The following MYO10 variants were observed in gnomAD, a reference collection of about 807,000 sequenced individuals.
The protein encoded by MYO10 is unconventional myosin-X.
MYO10 carries 133 observed loss-of-function variants against 257.3 expected under a neutral mutation model. The ratio of observed to expected loss-of-function variants is 0.52; its 90% confidence interval spans 0.45 to 0.60. MYO10 has a LOEUF of 0.60. MYO10 is among the 20% of genes least tolerant of loss of function. MYO10 has a pLI of 0.00. For synonymous variants in MYO10, 1,104 were observed against 1,028.6 expected, an observed-to-expected ratio of 1.07 and a Z score of -1.40; for missense variants, 2,399 against 2,635.7, an observed-to-expected ratio of 0.91 and a Z score of 1.97.
intron 3 of MYO10, among the ~76,000 whole-genome samples, chr5:16,814,261 C>A (rs1742531770): frequency 6.6e-6 from 1 of 152,180 alleles, no homozygotes; most frequent in South Asian, 2.1e-4. Context: ...CCTGCCTCAG[C>A]CTCCCGAGTA....
At chr5:16,843,080 TC>T (rs1467310596) in intron 2 of MYO10, among the ~76,000 whole-genome samples, 1 of 151,922 alleles carries the variant, frequency 6.6e-6, no homozygotes, top group Non-Finnish European at 1.5e-5. Flanking sequence ...TTCCTCCTGT[TC>T]CCCTTGTACT....
At chr5:16,899,611 A>G (rs1172706638) in intron 1 of MYO10, among the ~76,000 whole-genome samples, 3 of 147,012 alleles carry the variant, frequency 2.0e-5, no homozygotes, top group African/African-American at 7.6e-5. Flanking sequence ...CTGGGCAACA[A>G]GAGCAAAACT....
intron 2 of MYO10, among the ~76,000 whole-genome samples, chr5:16,872,613 A>G (rs973287848): frequency 6.6e-6 from 1 of 152,224 alleles, no homozygotes; most frequent in African/African-American, 2.4e-5. Context: ...TAAGAAAGGG[A>G]AAGAATGCTA....
At chr5:16,840,411 CTGAATGAATGAATGAA>C (rs58976150) in intron 2 of MYO10, among the ~76,000 whole-genome samples, 35 of 137,086 alleles carry the variant, frequency 2.6e-4, no homozygotes, top group Non-Finnish European at 5.0e-5. Context: ...CACTCCATCT[CTGAATGAATGAATGAA>C]TGAATGAATG....
chr5:16,778,737 C>T (rs946775649), intron 9 of MYO10, among the ~76,000 whole-genome samples: 7 of 138,202 alleles, frequency 5.1e-5, no homozygotes, highest in African/African-American at 1.9e-4. Flanking sequence ...GTCTCCCAGG[C>T]TGGAGTGCAG....
Position 16,699,859 on chromosome 5 carries a change from G to A in MYO10, c.3433-286C>T, listed in dbSNP as rs1259611390. Among the ~76,000 whole-genome samples the A allele has an allele frequency of 4.0e-5, 6 of 150,770 alleles. No homozygotes were observed. The East Asian group carries it at 5.8e-4, about 15-fold the overall frequency. On this transcript the variant is annotated intron_variant, in intron 25 of 40. Transcript: ENST00000513610. ...CTGACAAGCAATACGCCTGATTTAC[G>A]GTAGCACACAAATAATTCGGAATTA...
intron 3 of MYO10, among the ~76,000 whole-genome samples, chr5:16,801,254 C>G (rs2126687671): frequency 6.6e-6 from 1 of 152,316 alleles, no homozygotes; most frequent in South Asian, 2.1e-4. Context: ...GTTGCCCAGG[C>G]TGCCGTGCAG....
At chr5:16,781,663 G>A in intron 6 of MYO10, 42 bp downstream of exon 6, 3 of 1,567,744 alleles carry the variant, frequency 1.9e-6, no homozygotes, top group Non-Finnish European at 2.6e-6. Context: ...TTTCCACTTA[G>A]AGAATCAATT....
intron 19 of MYO10, among the ~76,000 whole-genome samples, chr5:16,734,657 T>C (rs1739717894): frequency 1.3e-5 from 2 of 151,952 alleles, no homozygotes; most frequent in Admixed American, 1.3e-4. Flanking sequence ...ATACAAAAAT[T>C]AGCCGGACGT....
intron 19 of MYO10, among the ~76,000 whole-genome samples, chr5:16,740,205 G>A (rs1739967329): frequency 6.6e-6 from 1 of 152,160 alleles, no homozygotes. Context: ...TGACAGCTGG[G>A]AGGGAGGCTG....
intron 26 of MYO10, among the ~76,000 whole-genome samples, chr5:16,695,458 G>A (rs1415173188): frequency 1.3e-5 from 2 of 151,672 alleles, no homozygotes. Flanking sequence ...ATGGCTTTTT[G>A]GAGAAAAACA....
rs33919452 is a variant in MYO10 at position 16,679,524 on chromosome 5, G to GTTTTTTTTTTTTTTTTTTTTTT, written c.4542+422_4542+423insAAAAAAAAAAAAAAAAAAAAAA. ...TTAACCAAGCGCTAGTTTTTTGGGT[G>GTTTTTTTTTTTTTTTTTTTTTT]TTTTTTTTTTTTTTTTTTGAGACGA... On this transcript the variant is annotated intron_variant, in intron 33 of 40. Transcript: ENST00000513610. Among the ~76,000 whole-genome samples, 120 of 122,632 alleles carry GTTTTTTTTTTTTTTTTTTTTTT rather than the reference G, an allele frequency of 9.8e-4. 3 individuals carry two copies. The highest frequency in any genetic ancestry group is 2.4e-3 in the African/African-American group (74 of 31,078). 80.5% of individuals were successfully genotyped at this position (122,632 alleles called of 152,430 possible). A position where few individuals can be genotyped will look rare whatever the true frequency, so the allele number is the denominator to read the frequency against.
At chr5:16,753,075 TGAACA>T (rs1560966196) in intron 19 of MYO10, among the ~76,000 whole-genome samples, 1 of 152,224 alleles carries the variant, frequency 6.6e-6, no homozygotes, top group African/African-American at 2.4e-5. Context: ...GGTAACAAAC[TGAACA>T]GGTTATTTTC....
intron 9 of MYO10, among the ~76,000 whole-genome samples, chr5:16,774,886 T>G (rs1741170202): frequency 1.3e-5 from 2 of 152,184 alleles, no homozygotes; most frequent in Non-Finnish European, 2.9e-5. Flanking sequence ...ATCTGACTCA[T>G]GACAAATGAA....
chr5:16,724,550 C>T (rs928997749), intron 19 of MYO10, among the ~76,000 whole-genome samples: 13 of 150,794 alleles, frequency 8.6e-5, no homozygotes, highest in African/African-American at 3.0e-4. Flanking sequence ...GCCCAAAACG[C>T]AGCTCGATAC....
intron 35 of MYO10, 104 bp from the exon 36 acceptor site, chr5:16,673,993 C>T: frequency 6.3e-6 from 6 of 958,740 alleles, no homozygotes; most frequent in Admixed American, 3.9e-5. Flanking sequence ...GTGAATGGTC[C>T]CCCACTGGTG....
chr5:16,790,721 G>A (rs986748070), intron 4 of MYO10, among the ~76,000 whole-genome samples: 1 of 152,016 alleles, frequency 6.6e-6, no homozygotes, highest in African/African-American at 2.4e-5. Context: ...AAATTGCCCA[G>A]TCTCGAGCAT....
chr5:16,843,408 T>A (rs1743541643), intron 2 of MYO10, among the ~76,000 whole-genome samples: 1 of 152,226 alleles, frequency 6.6e-6, no homozygotes, highest in South Asian at 2.1e-4. Flanking sequence ...CTCTGCTGTA[T>A]CCAGCAATCA....
intron 1 of MYO10, among the ~76,000 whole-genome samples, chr5:16,878,991 A>C (rs553847509): frequency 1.3e-5 from 2 of 151,400 alleles, no homozygotes; most frequent in South Asian, 4.2e-4. Flanking sequence ...AATTTAAAAA[A>C]AAAAAAGAAA....
Sources: allele counts gnomAD v4.1 joint callset (sites outside exome capture counted in the v4.1 genomes callset), GRCh38; gene constraint gnomAD v4.1.1; transcripts MANE v1.5; gene names NCBI Gene and HGNC (gene_info 2026-07-23, HGNC 2026-07-21).